CDH13: variants seen among roughly 807,000 people sequenced by gnomAD.
CDH13 encodes the protein cadherin 13.
In CDH13, 24 loss-of-function variants were observed where a neutral mutation model predicts 63.8. That is an observed-to-expected ratio of 0.38 (90% CI 0.27 to 0.53). The LOEUF is 0.53. Among genes scored for constraint, CDH13 ranks in the 20% least tolerant of loss-of-function variants. The probability of loss-of-function intolerance (pLI) is 0.85; values close to 1 mark genes in which losing one functional copy is unlikely to be tolerated. For missense variants in CDH13, 1,049 were observed against 903.1 expected (o/e 1.16, Z -2.07); for synonymous variants, 503 against 355.3 (o/e 1.42, Z -4.67).
rs569774648 is a variant in CDH13 at position 83,401,366 on chromosome 16, T to TA, written c.781+56366dup. On this transcript the variant is annotated intron_variant, in intron 6 of 13. Coordinates refer to ENST00000567109, the MANE Select transcript of CDH13 (RefSeq NM_001257.5). ...AAAAAAAAAAAGAAAAAAGATTATA[T>TA]AAAAAATTAAAAAATTAGCCAGGCG... Among the ~76,000 whole-genome samples the TA allele has an allele frequency of 8.4e-4, 122 of 146,062 alleles. 4 individuals carry two copies. In the South Asian group the frequency reaches 0.027, roughly 32 times the overall value.
intron 1 of CDH13, among the ~76,000 whole-genome samples, chr16:82,851,933 C>G (rs936668401): frequency 1.3e-5 from 2 of 152,128 alleles, no homozygotes; most frequent in Non-Finnish European, 2.9e-5. Flanking sequence ...CAAGAGTAAA[C>G]CAGAGATGTT....
chr16:82,810,730 G>A (rs1240084892), intron 1 of CDH13, among the ~76,000 whole-genome samples: 1 of 152,118 alleles, frequency 6.6e-6, no homozygotes, highest in Admixed American at 6.6e-5. Context: ...TCAGCTGTGG[G>A]TTTTGCGTGT....
intron 1 of CDH13, chr16:82,719,328 G>A (rs1442879005): frequency 8.8e-6 from 4 of 455,090 alleles, no homozygotes; most frequent in South Asian, 1.6e-5. Context: ...AAGACTTAAA[G>A]CTTGGAACTT....
At chr16:82,834,802 A>C (rs996685948) in intron 1 of CDH13, among the ~76,000 whole-genome samples, 32 of 152,362 alleles carry the variant, frequency 2.1e-4, no homozygotes, top group Admixed American at 5.9e-4. Flanking sequence ...CTGAGGGCCA[A>C]ATCCAGCCTG....
At chr16:83,094,731 T>C (rs1197980324) in intron 3 of CDH13, among the ~76,000 whole-genome samples, 1 of 152,204 alleles carries the variant, frequency 6.6e-6, no homozygotes, top group Non-Finnish European at 1.5e-5. Flanking sequence ...TCATAACCAG[T>C]AACAACTGTC....
chr16:83,052,776 CAAAAAAAAAAAAAAAAAAA>C (rs71148805), intron 3 of CDH13, among the ~76,000 whole-genome samples: 1 of 92,920 alleles, frequency 1.1e-5, no homozygotes, highest in South Asian at 3.5e-4. Flanking sequence ...GACTTTATCT[CAAAAAAAAAAAAAAAAAAA>C]AAAAAAAAAG....
intron 7 of CDH13, among the ~76,000 whole-genome samples, chr16:83,498,144 C>T (rs1236362088): frequency 6.6e-6 from 1 of 152,178 alleles, no homozygotes. Context: ...TGGCTACTTT[C>T]ATTATGTTAG....
chr16:83,557,855 G>A (rs893785822), intron 7 of CDH13, among the ~76,000 whole-genome samples: 1 of 152,114 alleles, frequency 6.6e-6, no homozygotes, highest in African/African-American at 2.4e-5. Flanking sequence ...TAGGGCACAT[G>A]CTTCGATCAT....
intron 4 of CDH13, among the ~76,000 whole-genome samples, chr16:83,129,802 A>G (rs1478087456): frequency 2.0e-5 from 3 of 152,220 alleles, no homozygotes; most frequent in South Asian, 2.1e-4. Context: ...TGAAAAGCTG[A>G]CACATAGAGG....
chr16:83,092,441 T>C (rs1478688656), intron 3 of CDH13, among the ~76,000 whole-genome samples: 3 of 152,226 alleles, frequency 2.0e-5, no homozygotes, highest in African/African-American at 7.2e-5. Context: ...CAGATGCTAA[T>C]GCCATCCTCA....
intron 7 of CDH13, among the ~76,000 whole-genome samples, chr16:83,548,217 A>T (rs1456516748): frequency 6.6e-6 from 1 of 152,092 alleles, no homozygotes; most frequent in Non-Finnish European, 1.5e-5. Context: ...TAGGAGGCAA[A>T]CTCAACAGGC....
rs546587623 is a variant in CDH13 at position 82,951,695 on chromosome 16, C to G, written c.158-80315C>G. Among the ~76,000 whole-genome samples, 25 of 152,272 alleles carry G rather than the reference C, an allele frequency of 1.6e-4. 1 individual carries two copies. The highest frequency in any genetic ancestry group is 5.5e-4 in the African/African-American group (23 of 41,568). ...CAAGTGCAGGGAGGCCCAGGTAACTCCAAAGAGAGGGTCCATTCATCATGG... is the reference window on the plus strand; with the variant it reads ...CAAGTGCAGGGAGGCCCAGGTAACTGCAAAGAGAGGGTCCATTCATCATGG... On this transcript the variant is annotated intron_variant, in intron 2 of 13. Coordinates refer to ENST00000567109, the MANE Select transcript of CDH13 (RefSeq NM_001257.5).
At chr16:82,720,724 A>T (rs1049960185) in intron 1 of CDH13, among the ~76,000 whole-genome samples, 1 of 152,090 alleles carries the variant, frequency 6.6e-6, no homozygotes, top group Non-Finnish European at 1.5e-5. Flanking sequence ...ATTGAAGAAA[A>T]CAGCATTATA....
chr16:83,337,621 A>ATTTTTTTT (rs66957563), intron 5 of CDH13, among the ~76,000 whole-genome samples: 21 of 52,282 alleles, frequency 4.0e-4, no homozygotes, highest in South Asian at 1.0e-3. Context: ...TGACAAGCGT[A>ATTTTTTTT]TTTTTTTTTT....
At chr16:83,542,857 C>G (rs1421118045) in intron 7 of CDH13, among the ~76,000 whole-genome samples, 1 of 152,176 alleles carries the variant, frequency 6.6e-6, no homozygotes, top group Non-Finnish European at 1.5e-5. Context: ...GTGCTCATGA[C>G]CTCATTTTAT....
intron 10 of CDH13, among the ~76,000 whole-genome samples, chr16:83,689,107 G>T (rs1433584456): frequency 1.3e-5 from 2 of 151,996 alleles, no homozygotes; most frequent in African/African-American, 4.8e-5. Context: ...TTATAAATTT[G>T]CCATAGGCCA....
Position 83,368,883 on chromosome 16 carries a change from GTTATATATAT to G in CDH13, c.781+23878_781+23887del, listed in dbSNP as rs1357220708. Among the ~76,000 whole-genome samples, 25 of 25,314 alleles carry G rather than the reference GTTATATATAT, an allele frequency of 9.9e-4. 1 individual carries two copies. Among genetic ancestry groups the G allele is most frequent in the African/African-American group, 2.0e-3 (20 of 9,806 alleles). 16.6% of individuals were successfully genotyped at this position (25,314 alleles called of 152,430 possible). A position where few individuals can be genotyped will look rare whatever the true frequency, so the allele number is the denominator to read the frequency against. On this transcript the variant is annotated intron_variant, in intron 6 of 13. Transcript: ENST00000567109. ...TTATGGCTGAGTAGTAGTATTCCATGTTATATATATATATATATATATATATATATATATA... is the reference window on the plus strand; with the variant it reads ...TTATGGCTGAGTAGTAGTATTCCATGATATATATATATATATATATATATA...
At chr16:82,706,125 C>T (rs2031472257) in intron 1 of CDH13, among the ~76,000 whole-genome samples, 1 of 152,030 alleles carries the variant, frequency 6.6e-6, no homozygotes, top group South Asian at 2.1e-4. Flanking sequence ...CTTCTCTCCT[C>T]CCCATCTTCT....
chr16:83,748,036 G>T (rs1477768683), intron 10 of CDH13, 72 bp from the exon 11 acceptor site: 12 of 1,534,348 alleles, frequency 7.8e-6, no homozygotes, highest in Non-Finnish European at 9.9e-6. Flanking sequence ...AGGAGCTCAT[G>T]CCCTGCACTC....
Sources: gnomAD v4.1 joint callset for allele counts (sites outside exome capture counted in the v4.1 genomes callset) on GRCh38, gnomAD v4.1.1 for gene constraint, MANE v1.5 for transcripts, NCBI Gene and HGNC (gene_info 2026-07-23, HGNC 2026-07-21) for gene names.